MYO5B: variants seen among roughly 807,000 people sequenced by gnomAD.
MYO5B encodes unconventional myosin-Vb.
MYO5B carries 143 observed loss-of-function variants against 229.3 expected under a neutral mutation model. The ratio of observed to expected loss-of-function variants is 0.62; its 90% confidence interval spans 0.54 to 0.72. The LOEUF (loss-of-function observed/expected upper bound fraction) is 0.72. Ranked by LOEUF, MYO5B falls within the 30% of genes least tolerant of loss-of-function variation. The pLI, the probability that MYO5B is intolerant of heterozygous loss-of-function variation, is 0.00. For missense variants in MYO5B, 2,321 were observed against 2,331.0 expected (o/e 1.00, Z 0.09); for synonymous variants, 918 against 885.2 (o/e 1.04, Z -0.66).
Position 49,843,307 on chromosome 18 carries a change from G to A in MYO5B, c.4545C>T (p.Thr1515=), listed in dbSNP as rs755690857. The A allele has an allele frequency of 5.6e-6, 9 of 1,614,096 alleles. No individual in the cohort carries two copies. Among genetic ancestry groups the A allele is most frequent in the African/African-American group, 1.3e-5 (1 of 74,932 alleles). The change falls in exon 34 of 40, where the codon ACC becomes ACT. Residue 1515 remains threonine (T), a synonymous_variant. Coordinates refer to ENST00000285039, the MANE Select transcript of MYO5B (RefSeq NM_001080467.3). ...LYMCIRHADY[T]NDDLKVHSLL... Reference sequence around the variant, plus strand: ...GGGAGTGCACCTTGAGATCGTCGTTGGTGTAGTCCGCGTGCCGGATGCACA... The same window carrying A: ...GGGAGTGCACCTTGAGATCGTCGTTAGTGTAGTCCGCGTGCCGGATGCACA...
intron 16 of MYO5B, among the ~76,000 whole-genome samples, chr18:49,931,144 T>C (rs1265311412): frequency 2.6e-5 from 4 of 152,216 alleles, no homozygotes; most frequent in Admixed American, 1.3e-4. Flanking sequence ...CTCTGGGACA[T>C]GGTGCTTGAT....
intron 1 of MYO5B, among the ~76,000 whole-genome samples, chr18:50,100,264 C>G (rs1459181993): frequency 6.6e-6 from 1 of 152,222 alleles, no homozygotes; most frequent in Non-Finnish European, 1.5e-5. Flanking sequence ...ACATCTGCTT[C>G]TGCTAAATCA....
intron 14 of MYO5B, among the ~76,000 whole-genome samples, chr18:49,952,887 G>A (rs1415406868): frequency 1.3e-5 from 2 of 151,150 alleles, no homozygotes; most frequent in Non-Finnish European, 2.9e-5. Flanking sequence ...GGCAGGAGAC[G>A]GAGGACAGAT....
intron 18 of MYO5B, among the ~76,000 whole-genome samples, chr18:49,909,133 C>T (rs936663984): frequency 2.6e-5 from 4 of 152,164 alleles, no homozygotes; most frequent in Non-Finnish European, 4.4e-5. Context: ...TGGCATGTGC[C>T]CCTCTAAGTT....
In MYO5B at chr18:49,936,243, G is replaced by C. The variant is rs767265658; in HGVS notation, c.2003+9C>G. ...GGGCTGGACAGGCTAATGCCCAGCA[G>C]GCACTTACTGAAAGGGGAGCTTCTC... On this transcript the variant is annotated intron_variant, in intron 16 of 39. Coordinates refer to ENST00000285039, the MANE Select transcript of MYO5B (RefSeq NM_001080467.3). 1 of 1,582,138 alleles carries C rather than the reference G, an allele frequency of 6.3e-7. No homozygotes were observed. The highest frequency in any genetic ancestry group is 8.6e-7 in the Non-Finnish European group (1 of 1,161,604).
intron 3 of MYO5B, among the ~76,000 whole-genome samples, chr18:50,037,216 AACACACACAC>A (rs141553304): frequency 6.8e-6 from 1 of 146,530 alleles, no homozygotes; most frequent in African/African-American, 2.5e-5. Context: ...CACACACACA[AACACACACAC>A]ACACACACAC....
chr18:50,100,011 C>T (rs1378259252), intron 1 of MYO5B, among the ~76,000 whole-genome samples: 1 of 152,164 alleles, frequency 6.6e-6, no homozygotes, highest in African/African-American at 2.4e-5. Flanking sequence ...AGAGATTTAC[C>T]TCCCACATCA....
At chr18:50,084,395 G>C (rs2031284414) in intron 1 of MYO5B, among the ~76,000 whole-genome samples, 1 of 152,126 alleles carries the variant, frequency 6.6e-6, no homozygotes, top group East Asian at 1.9e-4. Context: ...GCACAAAAAT[G>C]GTTATCCAGT....
chr18:50,189,161 T>C (rs1184740551), intron 1 of MYO5B, among the ~76,000 whole-genome samples: 5 of 152,164 alleles, frequency 3.3e-5, no homozygotes, highest in Non-Finnish European at 7.4e-5. Flanking sequence ...ATTCTCAACA[T>C]CCACTAAGCT....
At chr18:50,151,091 C>T in intron 1 of MYO5B, among the ~76,000 whole-genome samples, 1 of 152,210 alleles carries the variant, frequency 6.6e-6, no homozygotes, top group East Asian at 1.9e-4. Flanking sequence ...TTGGGTCAAG[C>T]TTCTGGTCCT....
chr18:50,182,641 C>T (rs550010542), intron 1 of MYO5B, among the ~76,000 whole-genome samples: 23 of 152,316 alleles, frequency 1.5e-4, no homozygotes, highest in African/African-American at 5.1e-4. Context: ...AAAAGAAAAA[C>T]ATTTAATTAT....
chr18:50,022,601 G>C (rs1464095618), intron 4 of MYO5B, among the ~76,000 whole-genome samples: 1 of 152,192 alleles, frequency 6.6e-6, no homozygotes, highest in Non-Finnish European at 1.5e-5. Context: ...TAATTGTCTT[G>C]AAATCCTGCC....
At chr18:50,005,956 T>C (rs2026096645) in intron 4 of MYO5B, among the ~76,000 whole-genome samples, 1 of 152,242 alleles carries the variant, frequency 6.6e-6, no homozygotes, top group Non-Finnish European at 1.5e-5. Context: ...CATTACTTGC[T>C]TTGTCCTCCT....
chr18:50,070,720 T>C (rs1489766470), intron 1 of MYO5B, among the ~76,000 whole-genome samples: 7 of 152,184 alleles, frequency 4.6e-5, no homozygotes, highest in African/African-American at 1.4e-4. Context: ...GATAAGTTCA[T>C]ACAAGACTGT....
chr18:49,900,072 A>T (rs2144139733), intron 21 of MYO5B, among the ~76,000 whole-genome samples: 1 of 152,354 alleles, frequency 6.6e-6, no homozygotes, highest in Non-Finnish European at 1.5e-5. Flanking sequence ...CTGGAAAGCA[A>T]GGCCTGGGGG....
intron 1 of MYO5B, among the ~76,000 whole-genome samples, chr18:50,164,589 G>A (rs1599070735): frequency 9.7e-5 from 1 of 10,352 alleles, no homozygotes. Context: ...TTCAAATTGT[G>A]ATTTTTTTTT....
chr18:49,875,710 G>C lies in MYO5B; in HGVS notation c.3514C>G (p.Gln1172Glu). 6.2e-7 allele frequency: 1 copy of C among 1,614,118 alleles called. No individual in the cohort carries two copies. The highest frequency in any genetic ancestry group is 1.3e-5 in the African/African-American group (1 of 75,024). Residue 1172 changes from glutamine (Q) to glutamate (E), a missense_variant, in exon 26 of 40, where the codon CAG becomes GAG. Transcript: ENST00000285039. ...KLQVQLEKRE[Q>E]QDSKKVQAEP... ...ACCTGGACTTTCTTGCTGTCCTGCT[G>C]TTCTCTCTTCTCCAGCTGCACTTGC...
chr18:50,017,787 T>C (rs1383471890), intron 4 of MYO5B, among the ~76,000 whole-genome samples: 1 of 152,240 alleles, frequency 6.6e-6, no homozygotes, highest in Non-Finnish European at 1.5e-5. Context: ...TCAGAAATCA[T>C]TCCAATCACT....
At chr18:49,944,010 C>T (rs192676719) in intron 14 of MYO5B, among the ~76,000 whole-genome samples, 57 of 152,182 alleles carry the variant, frequency 3.7e-4, no homozygotes, top group African/African-American at 1.1e-3. Flanking sequence ...AGCTGGTCAA[C>T]GTACAATGTA....
Sources: allele counts gnomAD v4.1 joint callset (sites outside exome capture counted in the v4.1 genomes callset), GRCh38; gene constraint gnomAD v4.1.1; transcripts MANE v1.5; gene names NCBI Gene and HGNC (gene_info 2026-07-23, HGNC 2026-07-21).